Variants in HPX observed in about 807,000 individuals in gnomAD.
HPX encodes beta-1B-glycoprotein.
Under a neutral mutation model 53.8 loss-of-function variants are expected in HPX, and 42 were observed. That is an observed-to-expected ratio of 0.78 (90% CI 0.61 to 1.01). The LOEUF is 1.01. Among genes scored for constraint, HPX ranks in the 50% least tolerant of loss-of-function variants. The pLI is 0.00. For synonymous variants in HPX, 229 were observed against 221.1 expected, an observed-to-expected ratio of 1.04 and a Z score of -0.32; for missense variants, 547 against 594.3, an observed-to-expected ratio of 0.92 and a Z score of 0.83.
chr11:6,435,108 C>CA (rs995461146), intron 7 of HPX, among the ~76,000 whole-genome samples: 40 of 150,422 alleles, frequency 2.7e-4, no homozygotes, highest in South Asian at 1.3e-3. Context: ...CATTGTAACC[C>CA]AAAAAAAAAT....
rs993583948 is a variant in HPX at position 6,431,425 on chromosome 11, G to A, written c.1175C>T (p.Thr392Met). The A allele has an allele frequency of 9.9e-6, 16 of 1,614,108 alleles. No individual in the cohort carries two copies. The highest frequency in any genetic ancestry group is 1.4e-5 in the Non-Finnish European group (16 of 1,180,054). Residue 392 changes from threonine to methionine, a missense_variant, in exon 10 of 10, where the codon ACG becomes ATG. Thr to Met is a moderately conservative substitution (Grantham distance 81). Transcript: ENST00000265983. ...ATGGGGCCAAGGAAGCTCTGTCCAC[G>A]TGGCTTGGGCTCCTGACTTCAGGTC... is the stretch of plus-strand genomic sequence containing the variant. The part of the protein sequence containing the change: ...WLDLKSGAQA[T>M]WTELPWPHEK...
At chr11:6,437,748 AC>A in intron 5 of HPX, 96 bp from the exon 6 acceptor site, 1 of 875,158 alleles carries the variant, frequency 1.1e-6, no homozygotes, top group Non-Finnish European at 1.9e-6. Flanking sequence ...AATGGTACTG[AC>A]CACATGGAGC....
chr11:6,437,747 G>T, intron 5 of HPX, 95 bp from the exon 6 acceptor site: 2 of 873,950 alleles, frequency 2.3e-6, no homozygotes, highest in South Asian at 1.5e-5. Context: ...TAATGGTACT[G>T]ACCACATGGA....
rs1402102088 is a variant in HPX, at chr11:6,431,110, C to T, written c.*101G>A. The T allele has an allele frequency of 2.0e-6, 3 of 1,507,060 alleles. No homozygotes were observed. The highest frequency in any genetic ancestry group is 1.9e-5 in the Admixed American group (1 of 54,028). The allele number at this position is 1,507,060 out of a possible 1,614,324, so 93.4% of individuals were successfully genotyped here. A position where few individuals can be genotyped will look rare whatever the true frequency, so the allele number is the denominator to read the frequency against. Reference sequence around the variant, plus strand: ...ACTGGGGAGGTGGGGCCAGGCCAGACTCATGTCAGAAGGCCCCTCAGTGAG... The same window carrying T: ...ACTGGGGAGGTGGGGCCAGGCCAGATTCATGTCAGAAGGCCCCTCAGTGAG... On this transcript the variant is annotated 3_prime_UTR_variant, in exon 10 of 10. Coordinates refer to ENST00000265983, the MANE Select transcript of HPX (RefSeq NM_000613.3).
At chr11:6,435,202 G>A (rs1031249291) in intron 7 of HPX, among the ~76,000 whole-genome samples, 4 of 152,136 alleles carry the variant, frequency 2.6e-5, no homozygotes, top group Non-Finnish European at 5.9e-5. Flanking sequence ...TTGAACCCAG[G>A]AGGCAGAGGT....
At chr11:6,440,077 G>A in intron 4 of HPX, 88 bp downstream of exon 4, 1 of 1,538,198 alleles carries the variant, frequency 6.5e-7, no homozygotes. Flanking sequence ...TATTGCTATG[G>A]GCTCCATGCC....
Position 6,439,899 on chromosome 11 carries a change from A to T in HPX, c.336+266T>A, listed in dbSNP as rs1043522463. The T allele has an allele frequency of 7.4e-5, 35 of 475,464 alleles. No individual in the cohort carries two copies. In the East Asian group the frequency reaches 1.5e-3, roughly 20 times the overall value. The allele number at this position is 475,464 out of a possible 1,614,324, so 29.5% of individuals were successfully genotyped here. ...AAGGCAAGGGAAGCAATTGCCAGAG[A>T]AAAAAAGGATGGCCAGCAGTGTGAG... On this transcript the variant is annotated intron_variant, in intron 4 of 9. Transcript: ENST00000265983.
intron 5 of HPX, 46 bp from the exon 6 acceptor site, chr11:6,437,698 C>T (rs1590805369): frequency 6.6e-7 from 1 of 1,509,762 alleles, no homozygotes; most frequent in Non-Finnish European, 9.2e-7. Context: ...CGGGTTACGC[C>T]CTCCTTTGTG....
intron 4 of HPX, 131 bp downstream of exon 4, chr11:6,440,034 A>G (rs1849462961): frequency 5.0e-6 from 6 of 1,196,862 alleles, no homozygotes; most frequent in Non-Finnish European, 7.3e-6. Context: ...CTTTTACAGG[A>G]AAGGAGGGCA....
Position 6,438,508 on chromosome 11 carries a change from C to T in HPX, c.338G>A (p.Gly113Glu), listed in dbSNP as rs1849445919. 6.2e-7 allele frequency: 1 copy of T among 1,613,862 alleles called. No individual in the cohort carries two copies. Among genetic ancestry groups the T allele is most frequent in the Non-Finnish European group, 8.5e-7 (1 of 1,179,792 alleles). Residue 113 changes from glycine (G) to glutamate (E), a missense_variant and splice_region_variant, in exon 5 of 10, where the codon GGG becomes GAG. Gly to Glu is a moderately conservative substitution (Grantham distance 98). Coordinates refer to ENST00000265983, the MANE Select transcript of HPX (RefSeq NM_000613.3). ...AGGAGGGTATACCCAGACTTTGTCCCCCTGCATTCAAAAGTACTCTCTTTT... is the reference window on the plus strand; with the variant it reads ...AGGAGGGTATACCCAGACTTTGTCCTCCTGCATTCAAAAGTACTCTCTTTT... ...QGHNSVFLIK[G>E]DKVWVYPPEK... is the part of the protein sequence containing the mutation.
rs751185658 is a variant in HPX, at chr11:6,437,034, G to C, written c.835+12C>G. 7 of 1,613,434 alleles carry C rather than the reference G, an allele frequency of 4.3e-6. No homozygotes were observed. In the South Asian group the frequency reaches 7.7e-5, roughly 18 times the overall value. ...GTGAGAGCACATTGGGGGAGTTGGG[G>C]GCATCTCTCACCACTGAAGGCATAG... is the stretch of plus-strand genomic sequence containing the variant. On this transcript the variant is annotated intron_variant, in intron 7 of 9. Coordinates refer to ENST00000265983, the MANE Select transcript of HPX (RefSeq NM_000613.3).
At position 6,440,547 on chromosome 11, in the gene HPX, G is replaced by A; in HGVS notation, c.143-9C>T. Reference sequence around the variant, plus strand: ...GCCATCTGAGCAGCGTTCTGGGGTGGAGGTAGGGAGATGGCAAAGTAAAAA... The same window carrying A: ...GCCATCTGAGCAGCGTTCTGGGGTGAAGGTAGGGAGATGGCAAAGTAAAAA... On this transcript the variant is annotated splice_polypyrimidine_tract_variant and intron_variant, in intron 2 of 9. Transcript: ENST00000265983. The A allele has an allele frequency of 7.6e-7, 1 of 1,322,816 alleles. No homozygotes were observed. The highest frequency in any genetic ancestry group is 1.1e-6 in the Non-Finnish European group (1 of 946,310). 81.9% of individuals were successfully genotyped at this position (1,322,816 alleles called of 1,614,324 possible). A position where few individuals can be genotyped will look rare whatever the true frequency, so the allele number is the denominator to read the frequency against.
intron 7 of HPX, among the ~76,000 whole-genome samples, chr11:6,435,638 G>C (rs142089724): frequency 0.015 from 2,287 of 152,142 alleles, 65 homozygotes; most frequent in African/African-American, 0.053. Context: ...GTAGAGATGA[G>C]GTTTTGCCAT....
intron 2 of HPX, 55 bp from the exon 3 acceptor site, chr11:6,440,593 AAAAAAAAAAACC>A: frequency 8.5e-7 from 1 of 1,174,982 alleles, no homozygotes; most frequent in Non-Finnish European, 1.2e-6. Context: ...AAAAAAAAAA[AAAAAAAAAAACC>A]AGAAGGTGAT....
intron 7 of HPX, 133 bp downstream of exon 7, chr11:6,436,913 G>T: frequency 1.1e-6 from 1 of 946,798 alleles, no homozygotes; most frequent in Non-Finnish European, 1.6e-6. Flanking sequence ...ATGCAGAAGG[G>T]CATGCAGAAG....
In HPX at chr11:6,437,148, C is replaced by T. The variant is rs1378521366; in HGVS notation, c.733G>A (p.Gly245Arg). Residue 245 changes from glycine to arginine, a missense_variant, in exon 7 of 10, where the codon GGG becomes AGG. Coordinates refer to ENST00000265983, the MANE Select transcript of HPX (RefSeq NM_000613.3). ...TCAGGGCCATGGTGGGTACTGTTCC[C>T]ATGGCCAGTCCCATTCCTGTGTCCA... is the stretch of plus-strand genomic sequence containing the variant. The part of the protein sequence containing the change: ...GHGHRNGTGH[G>R]NSTHHGPEYM... 6.2e-7 allele frequency: 1 copy of T among 1,614,012 alleles called. No individual in the cohort carries two copies. The highest frequency in any genetic ancestry group is 2.2e-5 in the East Asian group (1 of 44,868).
At chr11:6,440,833 C>T (rs766613082) in intron 1 of HPX, 48 bp downstream of exon 1, 2 of 1,604,120 alleles carry the variant, frequency 1.2e-6, no homozygotes, top group South Asian at 2.2e-5. Context: ...CCCTACCTTA[C>T]CCTAGCCCAG....
chr11:6,434,994 C>T (rs931179853), intron 7 of HPX, among the ~76,000 whole-genome samples: 2 of 151,800 alleles, frequency 1.3e-5, no homozygotes, highest in Non-Finnish European at 2.9e-5. Flanking sequence ...TTTGGGAGGC[C>T]GAGGCAGGCG....
chr11:6,432,347 A>C, intron 7 of HPX: 1 of 313,972 alleles, frequency 3.2e-6, no homozygotes, highest in Admixed American at 4.6e-5. Context: ...GTTATAGATA[A>C]TGAAATACAG....
Sources: gnomAD v4.1 joint callset for allele counts (sites outside exome capture counted in the v4.1 genomes callset) on GRCh38, gnomAD v4.1.1 for gene constraint, MANE v1.5 for transcripts, NCBI Gene and HGNC (gene_info 2026-07-23, HGNC 2026-07-21) for gene names.